Variants in GEN1 observed in about 807,000 individuals in gnomAD.
GEN1 encodes the protein flap endonuclease GEN homolog 1.
Under a neutral mutation model 67.6 loss-of-function variants are expected in GEN1, and 64 were observed. The observed-to-expected ratio is 0.95, with a 90% CI of 0.77 to 1.17. The LOEUF (loss-of-function observed/expected upper bound fraction) is 1.17. GEN1 is among the 50% of genes most tolerant of loss of function. GEN1 has a pLI of 0.00. For missense variants in GEN1, 1,058 were observed against 1,048.3 expected (o/e 1.01, Z -0.13); for synonymous variants, 371 against 359.4 (o/e 1.03, Z -0.37).
At chr2:17,778,206 G>GTA (rs142517754) in intron 12 of GEN1, 143 bp downstream of exon 12, 10 of 410,614 alleles carry the variant, frequency 2.4e-5, no homozygotes, top group Non-Finnish European at 4.4e-5. Context: ...ACATATATGT[G>GTA]TATATATATG....
chr2:17,765,074 G>T lies in GEN1; in HGVS notation c.525+1G>T, dbSNP rs773133354. 20 of 1,612,768 alleles carry T rather than the reference G, an allele frequency of 1.2e-5. No individual in the cohort carries two copies. Among genetic ancestry groups the T allele is most frequent in the East Asian group, 2.2e-5 (1 of 44,854 alleles). On this transcript the variant is annotated splice_donor_variant, in intron 4 of 13. Transcript: ENST00000381254. LOFTEE classifies it high-confidence loss of function. ...CAGGAATTTCACTATGAATACAAAG[G>T]TGTTTATTTTCTTTCTCTTTTTCAG...
chr2:17,763,245 C>T (rs1671764855), intron 3 of GEN1, among the ~76,000 whole-genome samples: 1 of 151,798 alleles, frequency 6.6e-6, no homozygotes, highest in African/African-American at 2.4e-5. Flanking sequence ...GTGAATATTC[C>T]ACCCTAATGA....
At chr2:17,774,202 T>C (rs563730621) in intron 10 of GEN1, 69 bp from the exon 11 acceptor site, 14 of 764,694 alleles carry the variant, frequency 1.8e-5, no homozygotes, top group Middle Eastern at 4.3e-4. Flanking sequence ...AAAATATTAA[T>C]ATCACCTAGG....
chr2:17,783,779 G>T lies in GEN1; in HGVS notation c.*1840G>T, dbSNP rs1318588274. On this transcript the variant is annotated 3_prime_UTR_variant, in exon 14 of 14. Coordinates refer to ENST00000381254, the MANE Select transcript of GEN1 (RefSeq NM_001130009.3). ...CAGTCTTTGAACCAACTGTCTTCTGGATCTATTGGATATCTATGTAAAAAA... is the reference window on the plus strand; with the variant it reads ...CAGTCTTTGAACCAACTGTCTTCTGTATCTATTGGATATCTATGTAAAAAA... 1.3e-5 allele frequency: 2 copies of T among 152,142 alleles called. No individual in the cohort carries two copies. The highest frequency in any genetic ancestry group is 4.8e-5 in the African/African-American group (2 of 41,438). The allele number at this position is 152,142 out of a possible 1,614,324, so 9.4% of individuals were successfully genotyped here.
intron 11 of GEN1, among the ~76,000 whole-genome samples, chr2:17,775,839 A>G (rs1027169906): frequency 6.6e-6 from 1 of 152,222 alleles, no homozygotes; most frequent in African/African-American, 2.4e-5. Context: ...ATTTTTGCCA[A>G]AAAAGCTTGA....
In GEN1 at chr2:17,760,056, CACAG is replaced by C. The variant is rs781056250; in HGVS notation, c.118_121del (p.Thr40SerfsTer4). On this transcript the variant is annotated frameshift_variant, in exon 2 of 14. Transcript: ENST00000381254. LOFTEE classifies it high-confidence loss of function. The stretch of plus-strand genomic sequence containing the variant: ...GATCTGAGTCTCTGGGTGTGTGAGG[CACAG>C]ACAGTCAAAAAAATGATGGGCAGCG... The C allele has an allele frequency of 6.2e-6, 10 of 1,613,870 alleles. No individual in the cohort carries two copies. Among genetic ancestry groups the C allele is most frequent in the South Asian group, 1.1e-5 (1 of 91,042 alleles).
chr2:17,759,818 G>T, intron 1 of GEN1, 111 bp from the exon 2 acceptor site: 1 of 872,686 alleles, frequency 1.1e-6, no homozygotes, highest in Non-Finnish European at 1.7e-6. Flanking sequence ...AAAAAAATAA[G>T]GAATATCCTC....
chr2:17,778,258 A>ACATGTGTGTG (rs35008551), intron 12 of GEN1, among the ~76,000 whole-genome samples, 195 bp downstream of exon 12: 2 of 24,854 alleles, frequency 8.0e-5, no homozygotes, highest in African/African-American at 2.1e-4. Context: ...GTATACACAC[A>ACATGTGTGTG]TATGTGTGTA....
Position 17,774,391 on chromosome 2 carries a change from C to T in GEN1, c.1192C>T (p.Gln398Ter). The T allele has an allele frequency of 1.2e-6, 2 of 1,600,812 alleles. No individual in the cohort carries two copies. Among genetic ancestry groups the T allele is most frequent in the Non-Finnish European group, 1.7e-6 (2 of 1,173,280 alleles). ...TGGTAGCAGAAACTCTAATCAACTACAGCCAATTCGGTAATGTAAAGAACT... is the reference window on the plus strand; with the variant it reads ...TGGTAGCAGAAACTCTAATCAACTATAGCCAATTCGGTAATGTAAAGAACT... ...KLGSRNSNQL[Q>*]PIRIVKTRIR... The change falls in exon 11 of 14, where the codon CAG (glutamine) becomes TAG (stop). Residue 398 changes from glutamine (Q) to a stop codon, truncating the protein, a stop_gained. Transcript: ENST00000381254. LOFTEE classifies it high-confidence loss of function.
In GEN1 at chr2:17,788,432, T is replaced by C. The variant is rs1477556332; in HGVS notation, c.*6493T>C. Reference sequence around the variant, plus strand: ...AGATAAATTCACTAAGTTGCCTGTTTGGCAATGGAGGGCAGAGTTATCAGC... The same window carrying C: ...AGATAAATTCACTAAGTTGCCTGTTCGGCAATGGAGGGCAGAGTTATCAGC... On this transcript the variant is annotated 3_prime_UTR_variant, in exon 14 of 14. Transcript: ENST00000381254. 1 of 152,254 alleles carries C rather than the reference T, an allele frequency of 6.6e-6. No homozygotes were observed. Among genetic ancestry groups the C allele is most frequent in the Non-Finnish European group, 1.5e-5 (1 of 68,050 alleles). 9.4% of individuals were successfully genotyped at this position (152,254 alleles called of 1,614,324 possible). A position where few individuals can be genotyped will look rare whatever the true frequency, so the allele number is the denominator to read the frequency against.
chr2:17,753,786 C>T (rs934154483), upstream of GEN1: 16 of 152,088 alleles, frequency 1.1e-4, no homozygotes, highest in Admixed American at 3.3e-4. Context: ...TCCCGGGAGC[C>T]CCGGCGCCCA....
At chr2:17,780,490 A>G (rs1672770302) in intron 13 of GEN1, 131 bp from the exon 14 acceptor site, 1 of 608,774 alleles carries the variant, frequency 1.6e-6, no homozygotes, top group Non-Finnish European at 2.9e-6. Context: ...TAATCTAGCA[A>G]TGCACTGAGA....
At position 17,778,446 on chromosome 2, in the gene GEN1, A is replaced by ATG. The variant is rs1558410155; in HGVS notation, c.1264+384_1264+385insGT. 3.0e-3 allele frequency among the ~76,000 whole-genome samples: 80 copies of ATG among 26,330 alleles called. 20 individuals are homozygous for ATG. The highest frequency in any genetic ancestry group is 7.3e-3 in the African/African-American group (78 of 10,614). The allele number at this position is 26,330 out of a possible 152,430, so 17.3% of individuals were successfully genotyped here. On this transcript the variant is annotated intron_variant, in intron 12 of 13. Coordinates refer to ENST00000381254, the MANE Select transcript of GEN1 (RefSeq NM_001130009.3). ...TACATATATGTATATACACACACATATATGTGTGTACATATATGTATATAC... is the reference window on the plus strand; with the variant it reads ...TACATATATGTATATACACACACATATGTATGTGTGTACATATATGTATATAC...
intron 1 of GEN1, 83 bp from the exon 2 acceptor site, chr2:17,759,846 T>G: frequency 8.4e-7 from 1 of 1,183,780 alleles, no homozygotes; most frequent in East Asian, 2.4e-5. Flanking sequence ...TATCCTGAAC[T>G]GGCTTATAAT....
At position 17,768,770 on chromosome 2, in the gene GEN1, A is replaced by G; in HGVS notation, c.669A>G (p.Leu223=). 6.2e-7 allele frequency: 1 copy of G among 1,611,692 alleles called. No homozygotes were observed. The highest frequency in any genetic ancestry group is 8.5e-7 in the Non-Finnish European group (1 of 1,178,540). ...GVPGVGKEQA[L]KLIQILKGQS... Reference sequence around the variant, plus strand: ...CTGGAGTTGGAAAAGAGCAAGCATTAAAACTTATACAGATTTTGAAAGGGC... The same window carrying G: ...CTGGAGTTGGAAAAGAGCAAGCATTGAAACTTATACAGATTTTGAAAGGGC... Residue 223 remains leucine (L), a synonymous_variant, in exon 6 of 14, where the codon TTA becomes TTG. Coordinates refer to ENST00000381254, the MANE Select transcript of GEN1 (RefSeq NM_001130009.3).
Position 17,787,629 on chromosome 2 carries a change from T to A in GEN1, c.*5690T>A, listed in dbSNP as rs1425771158. 1 of 152,224 alleles carries A rather than the reference T, an allele frequency of 6.6e-6. No homozygotes were observed. The highest frequency in any genetic ancestry group is 1.5e-5 in the Non-Finnish European group (1 of 68,040). The allele number at this position is 152,224 out of a possible 1,614,324, so 9.4% of individuals were successfully genotyped here. On this transcript the variant is annotated 3_prime_UTR_variant, in exon 14 of 14. Coordinates refer to ENST00000381254, the MANE Select transcript of GEN1 (RefSeq NM_001130009.3). Reference sequence around the variant, plus strand: ...AATTTATAGCACCCGGCAGAGGGATTGGCACAGAAAGTGTCCAGTGAGGCC... The same window carrying A: ...AATTTATAGCACCCGGCAGAGGGATAGGCACAGAAAGTGTCCAGTGAGGCC...
At chr2:17,756,328 A>G (rs1193862052) in intron 1 of GEN1, among the ~76,000 whole-genome samples, 1 of 152,208 alleles carries the variant, frequency 6.6e-6, no homozygotes, top group Non-Finnish European at 1.5e-5. Context: ...GTTATTTGCT[A>G]TGTGTTGTTC....
rs1558408796 is a variant in GEN1, at chr2:17,778,229, TATATGTGTGTACATATATGTATACACAC to T, written c.1264+190_1264+217del. The stretch of plus-strand genomic sequence containing the variant: ...GTGTATATATATGTATACACACACA[TATATGTGTGTACATATATGTATACACAC>T]ATATGTGTGTACATATATGTATATA... On this transcript the variant is annotated intron_variant, in intron 12 of 13. Transcript: ENST00000381254. Among the ~76,000 whole-genome samples the T allele has an allele frequency of 3.8e-5, 5 of 131,520 alleles. 2 individuals are homozygous for T. The highest frequency in any genetic ancestry group is 1.6e-4 in the African/African-American group (5 of 31,930). 86.3% of individuals were successfully genotyped at this position (131,520 alleles called of 152,430 possible). A position where few individuals can be genotyped will look rare whatever the true frequency, so the allele number is the denominator to read the frequency against.
rs762384446 is a variant in GEN1, at chr2:17,780,121, CG to C, written c.1408+1del. The C allele has an allele frequency of 1.2e-6, 2 of 1,609,360 alleles. No homozygotes were observed. The highest frequency in any genetic ancestry group is 1.7e-6 in the Non-Finnish European group (2 of 1,178,304). On this transcript the variant is annotated splice_donor_variant, in intron 13 of 13. Coordinates refer to ENST00000381254, the MANE Select transcript of GEN1 (RefSeq NM_001130009.3). LOFTEE classifies it high-confidence loss of function. ...AGAAATTAAAGGGAAGAAACAAAAA[CG>C]TAAGTTTTGGGTTTGATAGCTATTT...
Sources: allele counts gnomAD v4.1 joint callset (sites outside exome capture counted in the v4.1 genomes callset), GRCh38; gene constraint gnomAD v4.1.1; transcripts MANE v1.5; gene names NCBI Gene and HGNC (gene_info 2026-07-23, HGNC 2026-07-21).